DNAH2: variants seen among roughly 807,000 people sequenced by gnomAD.
DNAH2 encodes dynein axonemal heavy chain 2, also known as axonemal beta dynein heavy chain 2.
In DNAH2, 323 loss-of-function variants were observed where a neutral mutation model predicts 523.5. That is an observed-to-expected ratio of 0.62 (90% CI 0.56 to 0.68). DNAH2 has a LOEUF of 0.68. DNAH2 is among the 30% of genes least tolerant of loss of function. DNAH2 has a pLI of 0.00. For synonymous variants in DNAH2, 2,093 were observed against 2,177.4 expected (o/e 0.96, Z 1.08); for missense variants, 4,907 against 5,701.5 (o/e 0.86, Z 4.49).
At chr17:7,814,659 A>C (rs987176719) in intron 63 of DNAH2, among the ~76,000 whole-genome samples, 1 of 152,226 alleles carries the variant, frequency 6.6e-6, no homozygotes, top group African/African-American at 2.4e-5. Flanking sequence ...GGATCACCTG[A>C]GGTCAGGAGT....
At chr17:7,737,327 T>A in intron 8 of DNAH2, 69 bp downstream of exon 8, 1 of 1,508,604 alleles carries the variant, frequency 6.6e-7, no homozygotes, top group East Asian at 2.3e-5. Context: ...GCAGGGGGAA[T>A]GCATTCGGCA....
chr17:7,760,672 G>T lies in DNAH2; in HGVS notation c.2786-68G>T, dbSNP rs1482055717. 1.3e-6 allele frequency: 2 copies of T among 1,500,998 alleles called. No individual in the cohort carries two copies. The highest frequency in any genetic ancestry group is 1.8e-6 in the Non-Finnish European group (2 of 1,104,138). The allele number at this position is 1,500,998 out of a possible 1,614,324, so 93.0% of individuals were successfully genotyped here. ...TAGAGTGGAAGGTCTGGAGCAGTGG[G>T]CAGGGCTCAGGCAGAAGTTGGGTTG... On this transcript the variant is annotated intron_variant, in intron 17 of 85. Transcript: ENST00000572933. This position sits in a 1 kb window ranked among gnomAD's most constrained non-coding sequence, Gnocchi z 4.0.
intron 18 of DNAH2, among the ~76,000 whole-genome samples, chr17:7,762,979 CTT>C (rs1036857919): frequency 2.1e-5 from 3 of 142,256 alleles, no homozygotes; most frequent in Admixed American, 7.1e-5. Context: ...CACTCTAAAG[CTT>C]TTTTTTTTTA....
chr17:7,732,998 G>A, intron 4 of DNAH2, 89 bp from the exon 5 acceptor site: 1 of 1,299,752 alleles, frequency 7.7e-7, no homozygotes, highest in Non-Finnish European at 1.1e-6. Context: ...TACCCTGAGG[G>A]ACGTGAGAAA....
In DNAH2 at chr17:7,737,231, G is replaced by T; in HGVS notation, c.1143G>T (p.Arg381=). Residue 381 remains arginine (R), a synonymous_variant, in exon 8 of 86, where the codon CGG becomes CGT. Coordinates refer to ENST00000572933, the MANE Select transcript of DNAH2 (RefSeq NM_020877.5). ...IWVNSPHYNT[R]ERLTSLFRKV... Reference sequence around the variant, plus strand: ...TCAACTCTCCCCACTACAACACTCGGGAGAGACTGACCTCGCTCTTCCGAA... The same window carrying T: ...TCAACTCTCCCCACTACAACACTCGTGAGAGACTGACCTCGCTCTTCCGAA... 6.2e-7 allele frequency: 1 copy of T among 1,614,032 alleles called. No homozygotes were observed. The highest frequency in any genetic ancestry group is 8.5e-7 in the Non-Finnish European group (1 of 1,179,996).
intron 12 of DNAH2, among the ~76,000 whole-genome samples, chr17:7,755,175 C>T (rs2075803226): frequency 6.6e-6 from 1 of 152,078 alleles, no homozygotes; most frequent in African/African-American, 2.4e-5. Context: ...GGCAACAGGG[C>T]AACAGGAAGA....
Position 7,807,955 on chromosome 17 carries a change from T to C in DNAH2, c.9729+369T>C, listed in dbSNP as rs1330776172. On this transcript the variant is annotated intron_variant, in intron 63 of 85. Coordinates refer to ENST00000572933, the MANE Select transcript of DNAH2 (RefSeq NM_020877.5). This position sits in a 1 kb window ranked among gnomAD's most constrained non-coding sequence, Gnocchi z 5.6. The stretch of plus-strand genomic sequence containing the variant: ...ATGGGTCAAGAGTGTCTGTGTCGCT[T>C]CTGTGGACCAAGAACAACGTGAGGG... 1.3e-5 allele frequency among the ~76,000 whole-genome samples: 2 copies of C among 152,172 alleles called. No homozygotes were observed. The highest frequency in any genetic ancestry group is 2.9e-5 in the Non-Finnish European group (2 of 68,030).
At position 7,737,092 on chromosome 17, in the gene DNAH2, A is replaced by ACCTGACCTTTTTGTCAAT. The variant is rs776155632; in HGVS notation, c.1010_1027dup (p.Thr337_Leu342dup). The ACCTGACCTTTTTGTCAAT allele has an allele frequency of 4.3e-6, 7 of 1,614,146 alleles. No homozygotes were observed. Among genetic ancestry groups the ACCTGACCTTTTTGTCAAT allele is most frequent in the Non-Finnish European group, 5.9e-6 (7 of 1,180,020 alleles). ...GATGGCTCTCGTCAAGCACAGTCAA[A>ACCTGACCTTTTTGTCAAT]CCTGACCTTTTTGTCAATCCTGAAG... On this transcript the variant is annotated inframe_insertion, in exon 8 of 86. Transcript: ENST00000572933.
intron 22 of DNAH2, among the ~76,000 whole-genome samples, chr17:7,767,021 C>A (rs1271082279): frequency 5.9e-5 from 9 of 152,048 alleles, no homozygotes; most frequent in Non-Finnish European, 1.2e-4. Flanking sequence ...AATTCCCAAA[C>A]ATTTTTATTA....
rs1332181103 is a variant in DNAH2 at position 7,786,793 on chromosome 17, A to G, written c.6467-104A>G. The G allele has an allele frequency of 6.3e-6, 10 of 1,598,782 alleles. No homozygotes were observed. The highest frequency in any genetic ancestry group is 8.6e-6 in the Non-Finnish European group (10 of 1,169,182). On this transcript the variant is annotated intron_variant, in intron 41 of 85. Transcript: ENST00000572933. The surrounding 1 kb of genome is among the most constrained non-coding windows in gnomAD (Gnocchi z 7.5). ...AAGTTGGGAGAGAAATGCCTGGGGA[A>G]TGCTGAAGTACAAGGGAGTGTAGGC...
chr17:7,807,157 G>A lies in DNAH2; in HGVS notation c.9450G>A (p.Gln3150=), dbSNP rs1274810361. ...WAEAKRQLGE[Q]NFIKSLINFD... is the part of the protein sequence containing the mutation. ...CTAATTTTCATCCCACAGGGGAACA[G>A]AACTTCATCAAGTCACTGATCAACT... is the stretch of plus-strand genomic sequence containing the variant. The change falls in exon 62 of 86, where the codon CAG becomes CAA. Residue 3150 remains glutamine, a synonymous_variant. Transcript: ENST00000572933. This position sits in a 1 kb window ranked among gnomAD's most constrained non-coding sequence, Gnocchi z 5.6. The A allele has an allele frequency of 6.2e-7, 1 of 1,606,224 alleles. No homozygotes were observed. Among genetic ancestry groups the A allele is most frequent in the Non-Finnish European group, 8.5e-7 (1 of 1,179,940 alleles).
chr17:7,775,680 C>T (rs1450515729), intron 30 of DNAH2, among the ~76,000 whole-genome samples: 3 of 138,714 alleles, frequency 2.2e-5, no homozygotes, highest in Admixed American at 7.8e-5. Flanking sequence ...AGTGAAACTC[C>T]GTCTCAAAAC....
intron 4 of DNAH2, 114 bp downstream of exon 4, chr17:7,727,406 C>A: frequency 7.3e-7 from 1 of 1,376,814 alleles, no homozygotes; most frequent in East Asian, 2.6e-5. Flanking sequence ...TATTGAGCCC[C>A]ACTGTGTCAG....
chr17:7,752,666 C>T (rs550844463), intron 12 of DNAH2, among the ~76,000 whole-genome samples: 4 of 152,068 alleles, frequency 2.6e-5, no homozygotes, highest in East Asian at 1.9e-4. Flanking sequence ...GCTGAGATTG[C>T]GCCACTGCAC....
chr17:7,726,959 T>A (rs539574810), intron 3 of DNAH2, among the ~76,000 whole-genome samples, 163 bp from the exon 4 acceptor site: 2 of 152,232 alleles, frequency 1.3e-5, no homozygotes, highest in Non-Finnish European at 2.9e-5. Context: ...ATCTTATTTT[T>A]CTGTTTCTTC....
chr17:7,819,749 A>G (rs1012642800), intron 72 of DNAH2, among the ~76,000 whole-genome samples: 1 of 151,856 alleles, frequency 6.6e-6, no homozygotes, highest in African/African-American at 2.4e-5. Flanking sequence ...GGGTTCTGCA[A>G]CTCCAACAAG....
At chr17:7,825,052 A>T (rs1172738142) in intron 77 of DNAH2, among the ~76,000 whole-genome samples, 1 of 152,230 alleles carries the variant, frequency 6.6e-6, no homozygotes, top group Non-Finnish European at 1.5e-5. Flanking sequence ...AGAAAGAGTA[A>T]ATAAGTATTC....
chr17:7,831,542 G>A lies in DNAH2; in HGVS notation c.12611+1G>A. 5 of 1,614,198 alleles carry A rather than the reference G, an allele frequency of 3.1e-6. No individual in the cohort carries two copies. Among genetic ancestry groups the A allele is most frequent in the South Asian group, 1.1e-5 (1 of 91,080 alleles). ...ACAACACACTGATGCAGACCATCCT[G>A]TAAGACAGAGGGGGACTCTGCGGAA... On this transcript the variant is annotated splice_donor_variant, in intron 81 of 85. Transcript: ENST00000572933. LOFTEE classifies it high-confidence loss of function. The surrounding 1 kb of genome is among the most constrained non-coding windows in gnomAD (Gnocchi z 4.2).
intron 7 of DNAH2, among the ~76,000 whole-genome samples, chr17:7,735,774 A>T (rs1346081752): frequency 6.7e-6 from 1 of 148,876 alleles, no homozygotes; most frequent in Non-Finnish European, 1.5e-5. Context: ...TAATTTTGAG[A>T]CAGAGTCTTG....
Sources: allele counts gnomAD v4.1 joint callset (sites outside exome capture counted in the v4.1 genomes callset), GRCh38; gene constraint gnomAD v4.1.1; non-coding constraint Gnocchi (gnomAD v3.1); transcripts MANE v1.5; gene names NCBI Gene and HGNC (gene_info 2026-07-23, HGNC 2026-07-21).